CHRNA7: variants seen among roughly 807,000 people sequenced by gnomAD.
CHRNA7 encodes neuronal acetylcholine receptor subunit alpha-7.
A neutral mutation model predicts 48.0 loss-of-function variants in CHRNA7; 17 were observed. The ratio of observed to expected loss-of-function variants is 0.35; its 90% CI spans 0.24 to 0.53. The LOEUF (loss-of-function observed/expected upper bound fraction) is 0.53, where lower values mean the gene tolerates loss of function less well. CHRNA7 is among the 20% of genes least tolerant of loss of function. The pLI is 0.92. For missense variants in CHRNA7, 155 were observed against 577.7 expected (o/e 0.27, Z 7.50); for synonymous variants, 75 against 242.3 (o/e 0.31, Z 6.41).
chr15:32,163,722 G>A (rs1400406269), intron 9 of CHRNA7: 1 of 53,230 alleles, frequency 1.9e-5, no homozygotes, highest in Admixed American at 1.5e-4. Context: ...AAAGTGCTGG[G>A]ATTACAGGTG....
At chr15:32,073,509 A>G (rs942586749) in intron 2 of CHRNA7, among the ~76,000 whole-genome samples, 1 of 152,204 alleles carries the variant, frequency 6.6e-6, no homozygotes, top group Non-Finnish European at 1.5e-5. Context: ...GGATGATTAT[A>G]TTTTGTAATA....
intron 4 of CHRNA7, among the ~76,000 whole-genome samples, chr15:32,130,540 A>G (rs935644341): frequency 6.7e-6 from 1 of 149,994 alleles, no homozygotes; most frequent in Non-Finnish European, 1.5e-5. Flanking sequence ...TGTGATATAT[A>G]TATATTATAT....
At chr15:32,137,659 C>T (rs1451961101) in intron 4 of CHRNA7, among the ~76,000 whole-genome samples, 3 of 152,150 alleles carry the variant, frequency 2.0e-5, no homozygotes, top group African/African-American at 7.2e-5. Context: ...AAAAATGCAT[C>T]CTCATTCCAC....
intron 4 of CHRNA7, among the ~76,000 whole-genome samples, chr15:32,135,294 T>C (rs1321229361): frequency 2.0e-5 from 3 of 152,160 alleles, no homozygotes; most frequent in African/African-American, 7.2e-5. Flanking sequence ...CATACAGATA[T>C]AAAAATGAGC....
chr15:32,096,908 C>T (rs1381354096), intron 2 of CHRNA7, among the ~76,000 whole-genome samples: 1 of 152,162 alleles, frequency 6.6e-6, no homozygotes, highest in Non-Finnish European at 1.5e-5. Context: ...GGTGCCTTGC[C>T]ACACCGGCCT....
intron 3 of CHRNA7, 107 bp downstream of exon 3, chr15:32,101,454 AAAAAACC>A: frequency 8.7e-7 from 1 of 1,147,532 alleles, no homozygotes; most frequent in Non-Finnish European, 1.2e-6. Context: ...TGTTTAGGAA[AAAAAACC>A]AAAAAAACAA....
At chr15:32,084,169 T>A (rs1045558655) in intron 2 of CHRNA7, among the ~76,000 whole-genome samples, 1 of 152,142 alleles carries the variant, frequency 6.6e-6, no homozygotes, top group African/African-American at 2.4e-5. Context: ...TATTTATAAA[T>A]TTTACAGAAA....
intron 2 of CHRNA7, among the ~76,000 whole-genome samples, chr15:32,072,788 G>A (rs985194222): frequency 3.9e-5 from 6 of 152,238 alleles, no homozygotes; most frequent in Non-Finnish European, 8.8e-5. Flanking sequence ...GTACCATGTG[G>A]TACTAAGTCT....
intron 3 of CHRNA7, among the ~76,000 whole-genome samples, chr15:32,108,280 A>G (rs2141273733): frequency 6.6e-6 from 1 of 151,938 alleles, no homozygotes; most frequent in South Asian, 2.1e-4. Flanking sequence ...AACTCCACAC[A>G]CTCTTCTTTT....
intron 2 of CHRNA7, among the ~76,000 whole-genome samples, chr15:32,097,325 C>T (rs2050487981): frequency 6.6e-6 from 1 of 152,000 alleles, no homozygotes; most frequent in Non-Finnish European, 1.5e-5. Flanking sequence ...ATGTTTTTTT[C>T]CCCCACTAAA....
intron 2 of CHRNA7, among the ~76,000 whole-genome samples, chr15:32,061,871 C>T (rs2049885172): frequency 6.6e-6 from 1 of 151,916 alleles, no homozygotes; most frequent in Admixed American, 6.6e-5. Context: ...AAGATGAGAC[C>T]CTCAGTAATT....
Position 32,031,048 on chromosome 15 carries a change from C to T in CHRNA7, c.195+11C>T. On this transcript the variant is annotated intron_variant, in intron 2 of 9. Transcript: ENST00000306901. ...CAGATCATGGACGTGGTGAGTCCCG[C>T]CTGGCTACAGGGCTGCCCTCTCCCC... The T allele has an allele frequency of 1.9e-6, 3 of 1,614,022 alleles. No individual in the cohort carries two copies. Among genetic ancestry groups the T allele is most frequent in the Non-Finnish European group, 2.5e-6 (3 of 1,179,936 alleles).
chr15:32,069,284 T>A (rs2050016541), intron 2 of CHRNA7, among the ~76,000 whole-genome samples: 1 of 152,134 alleles, frequency 6.6e-6, no homozygotes, highest in African/African-American at 2.4e-5. Flanking sequence ...CAACCTAATT[T>A]AAGAAAGATC....
At chr15:32,112,980 A>G (rs41481945) in intron 4 of CHRNA7, among the ~76,000 whole-genome samples, 3,125 of 152,258 alleles carry the variant, frequency 0.021, 82 homozygotes, top group African/African-American at 0.062. Context: ...AAAAACGTCT[A>G]AAATAGGAGT....
At chr15:32,111,754 G>T (rs781363844) in intron 3 of CHRNA7, 36 bp from the exon 4 acceptor site, 1 of 1,254,798 alleles carries the variant, frequency 8.0e-7, no homozygotes, top group South Asian at 1.3e-5. Context: ...AGTAGCCAAG[G>T]AAGTGAAGTG....
At chr15:32,071,422 TG>T (rs2050056360) in intron 2 of CHRNA7, among the ~76,000 whole-genome samples, 1 of 152,240 alleles carries the variant, frequency 6.6e-6, no homozygotes, top group African/African-American at 2.4e-5. Context: ...ATTTCTTCTT[TG>T]ATTCCTGTCA....
At chr15:32,150,946 A>AGG (rs1555388923) in intron 4 of CHRNA7, among the ~76,000 whole-genome samples, 39 of 151,128 alleles carry the variant, frequency 2.6e-4, no homozygotes, top group African/African-American at 9.5e-4. Context: ...TTTGGAAGTA[A>AGG]GGGGGGGGGA....
intron 2 of CHRNA7, among the ~76,000 whole-genome samples, chr15:32,043,086 A>G (rs974880496): frequency 6.6e-6 from 1 of 152,216 alleles, no homozygotes; most frequent in Non-Finnish European, 1.5e-5. Flanking sequence ...AACATGATGT[A>G]TGGTGCCTTA....
At position 32,149,569 on chromosome 15, in the gene CHRNA7, G is replaced by C. The variant is rs1335465059; in HGVS notation, c.351-4338G>C. On this transcript the variant is annotated intron_variant, in intron 4 of 9. Transcript: ENST00000306901. This position sits in a 1 kb window ranked among gnomAD's most constrained non-coding sequence, Gnocchi z 4.6. ...TAGTATTAGCACAAATCCATTACAA[G>C]AGTTTACTTTTATACTATGTACTTA... Among the ~76,000 whole-genome samples, 1 of 152,158 alleles carries C rather than the reference G, an allele frequency of 6.6e-6. No individual in the cohort carries two copies. The highest frequency in any genetic ancestry group is 2.4e-5 in the African/African-American group (1 of 41,434).
Sources: gnomAD v4.1 joint callset for allele counts (sites outside exome capture counted in the v4.1 genomes callset) on GRCh38, gnomAD v4.1.1 for gene constraint, Gnocchi (gnomAD v3.1) non-coding constraint, MANE v1.5 for transcripts, NCBI Gene and HGNC (gene_info 2026-07-23, HGNC 2026-07-21) for gene names.